The following NRP2 variants were observed in gnomAD, a reference collection of about 807,000 sequenced individuals.
NRP2 encodes the protein neuropilin-2.
A neutral mutation model predicts 110.4 loss-of-function variants in NRP2; 52 were observed. The observed-to-expected ratio is 0.47, with a 90% CI of 0.38 to 0.59. NRP2 has a LOEUF of 0.59. Among genes scored for constraint, NRP2 ranks in the 20% least tolerant of loss-of-function variants. NRP2 has a pLI of 0.00. For missense variants in NRP2, 1,049 were observed against 1,203.0 expected (o/e 0.87, Z 1.89); for synonymous variants, 508 against 468.9 (o/e 1.08, Z -1.08).
chr2:205,785,866 G>C (rs574400584), intron 15 of NRP2, among the ~76,000 whole-genome samples: 3 of 152,274 alleles, frequency 2.0e-5, no homozygotes, highest in Non-Finnish European at 4.4e-5. Flanking sequence ...CTAAATTCAA[G>C]ATCAAACTCT....
intron 4 of NRP2, among the ~76,000 whole-genome samples, chr2:205,723,425 C>G (rs1575588624): frequency 6.6e-6 from 1 of 152,212 alleles, no homozygotes; most frequent in African/African-American, 2.4e-5. Flanking sequence ...GGTTGTAGGC[C>G]CAGCTCTGCT....
chr2:205,792,415 T>A, intron 16 of NRP2, 130 bp downstream of exon 16: 1 of 697,624 alleles, frequency 1.4e-6, no homozygotes, highest in Non-Finnish European at 2.5e-6. Flanking sequence ...TATAAAAGAA[T>A]CTGGAGAAAA....
intron 12 of NRP2, among the ~76,000 whole-genome samples, chr2:205,757,718 T>C (rs564792153): frequency 2.6e-5 from 4 of 152,274 alleles, no homozygotes; most frequent in African/African-American, 9.6e-5. Context: ...CAGAACTTCC[T>C]GGGCTCTGGA....
intron 10 of NRP2, among the ~76,000 whole-genome samples, chr2:205,747,208 A>G (rs998300840): frequency 2.6e-5 from 4 of 152,146 alleles, no homozygotes; most frequent in African/African-American, 9.7e-5. Context: ...CTTCACTTAT[A>G]AGCACTCACA....
At chr2:205,786,262 G>T (rs528099962) in intron 15 of NRP2, among the ~76,000 whole-genome samples, 1 of 152,204 alleles carries the variant, frequency 6.6e-6, no homozygotes, top group East Asian at 1.9e-4. Flanking sequence ...AATCTCCTTA[G>T]TCCTTTGTTA....
intron 2 of NRP2, among the ~76,000 whole-genome samples, chr2:205,708,359 C>T (rs940261316): frequency 3.3e-5 from 5 of 152,204 alleles, no homozygotes; most frequent in African/African-American, 7.2e-5. Context: ...AGAGCAGACC[C>T]GTGACCACAC....
Position 205,763,243 on chromosome 2 carries a change from C to CA in NRP2, c.2045-430dup, listed in dbSNP as rs2057853783. On this transcript the variant is annotated intron_variant, in intron 12 of 16. Coordinates refer to ENST00000357785, the MANE Select transcript of NRP2 (RefSeq NM_003872.3). This position sits in a 1 kb window ranked among gnomAD's most constrained non-coding sequence, Gnocchi z 4.0. ...GTCACCCTCCAATCTAGCAGCCCCC[C>CA]ACCCCCTATAATCTGTCCCCTTGTA... Among the ~76,000 whole-genome samples the CA allele has an allele frequency of 6.6e-6, 1 of 152,086 alleles. No individual in the cohort carries two copies. Among genetic ancestry groups the CA allele is most frequent in the South Asian group, 2.1e-4 (1 of 4,820 alleles).
At chr2:205,762,197 C>A (rs1363293664) in intron 12 of NRP2, 1 of 152,166 alleles carries the variant, frequency 6.6e-6, no homozygotes, top group Non-Finnish European at 1.5e-5. Flanking sequence ...AAACTGGAAT[C>A]CCATATACGC....
At chr2:205,735,184 T>C (rs1362335857) in intron 7 of NRP2, among the ~76,000 whole-genome samples, 1 of 151,958 alleles carries the variant, frequency 6.6e-6, no homozygotes, top group Non-Finnish European at 1.5e-5. Flanking sequence ...GGCACATGGG[T>C]ATTGATAGCA....
At chr2:205,691,487 A>G (rs2056314725) in intron 1 of NRP2, among the ~76,000 whole-genome samples, 1 of 152,254 alleles carries the variant, frequency 6.6e-6, no homozygotes, top group Non-Finnish European at 1.5e-5. Context: ...AAGATTATAA[A>G]TAATAGCTTG....
chr2:205,735,455 T>A lies in NRP2; in HGVS notation c.1147-5064T>A, dbSNP rs942606461. Among the ~76,000 whole-genome samples the A allele has an allele frequency of 8.8e-5, 13 of 147,344 alleles. No individual in the cohort carries two copies. The South Asian group carries it at 1.7e-3, about 19-fold the overall frequency. On this transcript the variant is annotated intron_variant, in intron 7 of 16. Transcript: ENST00000357785. The stretch of plus-strand genomic sequence containing the variant: ...CTGGCTGGATGCTTCTTATTAGATT[T>A]TATATATATATATAATTATATATAT...
chr2:205,732,095 A>G (rs570931892), intron 7 of NRP2, among the ~76,000 whole-genome samples: 5 of 152,236 alleles, frequency 3.3e-5, no homozygotes, highest in South Asian at 2.1e-4. Flanking sequence ...GGCTTCCTAC[A>G]TGTTCAGTCC....
chr2:205,783,786 A>AT (rs2058204464), intron 15 of NRP2, among the ~76,000 whole-genome samples: 1 of 152,200 alleles, frequency 6.6e-6, no homozygotes, highest in African/African-American at 2.4e-5. Flanking sequence ...CACTGCCCTC[A>AT]TTTCTGTGGT....
intron 7 of NRP2, among the ~76,000 whole-genome samples, chr2:205,731,627 TC>T (rs1355011061): frequency 6.6e-6 from 1 of 152,214 alleles, no homozygotes; most frequent in Non-Finnish European, 1.5e-5. Flanking sequence ...CGTGGGGATC[TC>T]CCTTGTTGAC....
In NRP2 at chr2:205,687,855, A is replaced by G. The variant is rs530455665; in HGVS notation, c.73+4492A>G. The stretch of plus-strand genomic sequence containing the variant: ...GGAATCCAAATGCCAATTCATATGC[A>G]GTGAGGCACGAATACAAATGACAGT... On this transcript the variant is annotated intron_variant, in intron 1 of 16. Transcript: ENST00000357785. Among the ~76,000 whole-genome samples, 11 of 152,344 alleles carry G rather than the reference A, an allele frequency of 7.2e-5. No homozygotes were observed. The South Asian group carries it at 2.3e-3, about 32-fold the overall frequency.
At chr2:205,722,175 A>T (rs1181212463) in intron 3 of NRP2, 174 of 72,556 alleles carry the variant, frequency 2.4e-3, no homozygotes, top group African/African-American at 6.6e-3. Flanking sequence ...TCTCTCATAC[A>T]CACACACACA....
intron 16 of NRP2, 25 bp from the exon 17 acceptor site, chr2:205,794,729 C>T: frequency 6.8e-6 from 11 of 1,613,182 alleles, no homozygotes; most frequent in Non-Finnish European, 9.3e-6. Flanking sequence ...TGCCTGCAAT[C>T]TCTCATGAAT....
At chr2:205,712,114 G>A (rs1265145986) in intron 2 of NRP2, among the ~76,000 whole-genome samples, 1 of 152,172 alleles carries the variant, frequency 6.6e-6, no homozygotes. Context: ...AGTAGAGAAA[G>A]CATTCTCTAG....
intron 15 of NRP2, among the ~76,000 whole-genome samples, chr2:205,787,684 A>G (rs1189913726): frequency 5.4e-5 from 8 of 149,112 alleles, no homozygotes. Flanking sequence ...AGAAGGAAGA[A>G]AATGAGGGAG....
Sources: allele counts gnomAD v4.1 joint callset (sites outside exome capture counted in the v4.1 genomes callset), GRCh38; gene constraint gnomAD v4.1.1; non-coding constraint Gnocchi (gnomAD v3.1); transcripts MANE v1.5; gene names NCBI Gene and HGNC (gene_info 2026-07-23, HGNC 2026-07-21).